CSMD1: variants seen among roughly 807,000 people sequenced by gnomAD.
The protein encoded by CSMD1 is CUB and Sushi multiple domains 1, also known as CUB and sushi domain-containing protein 1.
CSMD1 carries 213 observed loss-of-function variants against 417.5 expected under a neutral mutation model. That is an observed-to-expected ratio of 0.51 (90% CI 0.46 to 0.57). The LOEUF is 0.57. Ranked by LOEUF, CSMD1 falls within the 20% of genes least tolerant of loss-of-function variation. CSMD1 has a pLI of 0.00. For missense variants in CSMD1, 6,923 were observed against 4,529.7 expected (o/e 1.53, Z -15.17); for synonymous variants, 2,862 against 1,736.8 (o/e 1.65, Z -16.11).
At chr8:4,892,515 T>C in intron 1 of CSMD1, among the ~76,000 whole-genome samples, 1 of 152,118 alleles carries the variant, frequency 6.6e-6, no homozygotes, top group East Asian at 1.9e-4. Flanking sequence ...CAAAGACACC[T>C]GGGCTAATAA....
chr8:3,527,363 T>C (rs1217663063), intron 10 of CSMD1, among the ~76,000 whole-genome samples: 1 of 152,128 alleles, frequency 6.6e-6, no homozygotes, highest in Admixed American at 6.5e-5. Context: ...AAAGGTTACA[T>C]AGTGTATGAT....
In CSMD1 at chr8:4,621,827, C is replaced by A. The variant is rs140468867; in HGVS notation, c.302+15515G>T. Among the ~76,000 whole-genome samples the A allele has an allele frequency of 2.1e-4, 32 of 151,926 alleles. No individual in the cohort carries two copies. The East Asian group carries it at 3.7e-3, about 17-fold the overall frequency. ...TAATATATTTGAAAAATCTAGTGTA[C>A]CTTACGACCAAGTAGGCTGTACTCT... On this transcript the variant is annotated intron_variant, in intron 2 of 69. Coordinates refer to ENST00000635120, the MANE Select transcript of CSMD1 (RefSeq NM_033225.6).
At chr8:4,196,536 T>G (rs1199088430) in intron 3 of CSMD1, among the ~76,000 whole-genome samples, 1 of 152,318 alleles carries the variant, frequency 6.6e-6, no homozygotes. Context: ...CCTTGCTGGC[T>G]GTAAACTGTG....
chr8:4,507,042 T>G (rs1013570409), intron 2 of CSMD1, among the ~76,000 whole-genome samples: 14 of 152,170 alleles, frequency 9.2e-5, no homozygotes, highest in African/African-American at 3.4e-4. Context: ...CCTTGCCTTT[T>G]CAAAAGGAAA....
At chr8:3,031,356 C>T (rs929296011) in intron 50 of CSMD1, among the ~76,000 whole-genome samples, 19 of 151,514 alleles carry the variant, frequency 1.3e-4, no homozygotes, top group Non-Finnish European at 2.2e-4. Context: ...GGAGATATAC[C>T]TAATGCTAAA....
At chr8:3,996,187 C>T (rs200451807) in intron 5 of CSMD1, among the ~76,000 whole-genome samples, 2 of 103,208 alleles carry the variant, frequency 1.9e-5, no homozygotes, top group East Asian at 2.7e-4. Context: ...TCACTTGCTT[C>T]TACCTCTCTC....
intron 5 of CSMD1, among the ~76,000 whole-genome samples, chr8:3,930,789 T>C (rs144430838): frequency 2.7e-5 from 4 of 150,652 alleles, no homozygotes; most frequent in African/African-American, 9.8e-5. Flanking sequence ...ATTTCTAACA[T>C]GTACAAGGGT....
chr8:4,508,921 G>A (rs143940542), intron 2 of CSMD1, among the ~76,000 whole-genome samples: 3 of 152,018 alleles, frequency 2.0e-5, no homozygotes, highest in African/African-American at 7.2e-5. Context: ...GTGCACAGGG[G>A]CATAAATCCC....
At position 3,243,830 on chromosome 8, in the gene CSMD1, T is replaced by C. The variant is rs557964422; in HGVS notation, c.4154-13599A>G. 2.0e-5 allele frequency among the ~76,000 whole-genome samples: 3 copies of C among 151,702 alleles called. No homozygotes were observed. The East Asian group carries it at 5.8e-4, about 29-fold the overall frequency. On this transcript the variant is annotated intron_variant, in intron 26 of 69. Coordinates refer to ENST00000635120, the MANE Select transcript of CSMD1 (RefSeq NM_033225.6). ...ATATGATGAATATTATATTTATATG[T>C]ATATGCAAAGTTTTGTTATTTTCCT...
At chr8:3,342,025 T>G (rs1807690078) in intron 23 of CSMD1, among the ~76,000 whole-genome samples, 1 of 152,204 alleles carries the variant, frequency 6.6e-6, no homozygotes, top group African/African-American at 2.4e-5. Flanking sequence ...AAAATTCTAG[T>G]AAAAATTTTA....
intron 12 of CSMD1, among the ~76,000 whole-genome samples, chr8:3,455,871 T>G (rs1161868210): frequency 6.6e-6 from 1 of 152,236 alleles, no homozygotes; most frequent in Non-Finnish European, 1.5e-5. Context: ...TGCAGAGGTT[T>G]CTGCTGTCTT....
intron 3 of CSMD1, among the ~76,000 whole-genome samples, chr8:4,175,084 A>G (rs1278906614): frequency 1.3e-5 from 2 of 151,814 alleles, no homozygotes; most frequent in Non-Finnish European, 2.9e-5. Flanking sequence ...TTTACTTTGC[A>G]CTTTCATAGA....
At chr8:2,992,784 C>T (rs1481931041) in intron 54 of CSMD1, among the ~76,000 whole-genome samples, 5 of 151,672 alleles carry the variant, frequency 3.3e-5, no homozygotes, top group Non-Finnish European at 7.4e-5. Flanking sequence ...GCTCTGTTGC[C>T]CAGGCTGGAA....
At chr8:3,434,649 G>T (rs1377145006) in intron 12 of CSMD1, among the ~76,000 whole-genome samples, 1 of 152,112 alleles carries the variant, frequency 6.6e-6, no homozygotes, top group Non-Finnish European at 1.5e-5. Flanking sequence ...CTAATTGTTT[G>T]ATCTGATCTC....
intron 5 of CSMD1, among the ~76,000 whole-genome samples, chr8:3,763,745 G>A (rs1798129657): frequency 6.6e-6 from 1 of 152,158 alleles, no homozygotes; most frequent in Non-Finnish European, 1.5e-5. Context: ...AACTAGATAA[G>A]TGAGGAGATA....
intron 5 of CSMD1, among the ~76,000 whole-genome samples, chr8:3,862,765 C>T (rs115441143): frequency 0.023 from 3,457 of 152,244 alleles, 51 homozygotes; most frequent in Middle Eastern, 0.054. Context: ...TTGCCACTGA[C>T]GAGATTACAC....
intron 17 of CSMD1, among the ~76,000 whole-genome samples, chr8:3,388,924 C>CACACAG (rs1563337258): frequency 1.3e-5 from 2 of 148,194 alleles, no homozygotes; most frequent in African/African-American, 5.0e-5. Flanking sequence ...CACACACACA[C>CACACAG]ACACACACAC....
intron 3 of CSMD1, among the ~76,000 whole-genome samples, chr8:4,040,982 G>C (rs1585188160): frequency 6.7e-6 from 1 of 149,750 alleles, no homozygotes; most frequent in East Asian, 2.0e-4. Flanking sequence ...ATCCTCACGT[G>C]GTCCTATATT....
At chr8:4,672,209 G>A (rs796498118) in intron 1 of CSMD1, among the ~76,000 whole-genome samples, 8 of 152,292 alleles carry the variant, frequency 5.3e-5, no homozygotes, top group African/African-American at 1.7e-4. Flanking sequence ...AGAGGACAAT[G>A]GCAGCTGCAG....
Sources: gnomAD v4.1 joint callset for allele counts (sites outside exome capture counted in the v4.1 genomes callset) on GRCh38, gnomAD v4.1.1 for gene constraint, MANE v1.5 for transcripts, NCBI Gene and HGNC (gene_info 2026-07-23, HGNC 2026-07-21) for gene names.